The following LOC128462377 variants were observed in gnomAD, a reference collection of about 807,000 sequenced individuals.
the LOC128462377 span, among the ~76,000 whole-genome samples, chr16:89,405,025 C>T: frequency 6.6e-6 from 1 of 152,058 alleles, no homozygotes; most frequent in African/African-American, 2.4e-5. Flanking sequence ...TTCTCCTCTC[C>T]CATCCCACCA....
chr16:89,395,696 C>T, the LOC128462377 span: 1 of 152,288 alleles, frequency 6.6e-6, no homozygotes, highest in South Asian at 2.1e-4. Flanking sequence ...CACAGACTGA[C>T]CTGATTCATT....
the LOC128462377 span, among the ~76,000 whole-genome samples, chr16:89,338,909 A>G: frequency 6.6e-6 from 1 of 152,150 alleles, no homozygotes; most frequent in East Asian, 1.9e-4. Context: ...GTAACAAAAA[A>G]ATCACCCAGA....
the LOC128462377 span, among the ~76,000 whole-genome samples, chr16:89,344,067 G>C: frequency 2.6e-5 from 4 of 152,230 alleles, no homozygotes; most frequent in South Asian, 6.2e-4. Flanking sequence ...TGCTCCCAGC[G>C]GAAGCTTTTG....
the LOC128462377 span, among the ~76,000 whole-genome samples, chr16:89,396,697 T>C: frequency 2.6e-5 from 4 of 152,150 alleles, no homozygotes; most frequent in African/African-American, 9.7e-5. Context: ...GTTGTTGCTG[T>C]TGTTTTTGGG....
the LOC128462377 span, among the ~76,000 whole-genome samples, chr16:89,392,940 T>C: frequency 1.3e-5 from 2 of 151,836 alleles, no homozygotes; most frequent in African/African-American, 2.4e-5. Context: ...AATGAGTGAG[T>C]GATCTACAGT....
the LOC128462377 span, among the ~76,000 whole-genome samples, chr16:89,389,891 G>A: frequency 1.5e-5 from 2 of 133,776 alleles, no homozygotes; most frequent in Non-Finnish European, 1.6e-5. Context: ...ACCGAGTGTG[G>A]CGGGGAGCAC....
the LOC128462377 span, among the ~76,000 whole-genome samples, chr16:89,384,878 T>C: frequency 1.7e-5 from 2 of 118,132 alleles, no homozygotes; most frequent in African/African-American, 3.4e-5. Flanking sequence ...GAAATAGTTT[T>C]CTTTTTTTTT....
the LOC128462377 span, among the ~76,000 whole-genome samples, chr16:89,340,661 T>C: frequency 6.6e-6 from 1 of 152,216 alleles, no homozygotes; most frequent in Admixed American, 6.5e-5. Flanking sequence ...CATGATTACA[T>C]TCTACAAAAA....
chr16:89,356,646 T>C, the LOC128462377 span, among the ~76,000 whole-genome samples: 1 of 143,226 alleles, frequency 7.0e-6, no homozygotes, highest in Non-Finnish European at 1.5e-5. Flanking sequence ...CCAGGCGTGG[T>C]GGTGGGTGCC....
At chr16:89,411,073 T>G in the LOC128462377 span, among the ~76,000 whole-genome samples, 3 of 152,092 alleles carry the variant, frequency 2.0e-5, no homozygotes, top group Non-Finnish European at 2.9e-5. Context: ...GGGCGGCCAG[T>G]GCAGGAGGCA....
At chr16:89,409,645 T>G in the LOC128462377 span, among the ~76,000 whole-genome samples, 1 of 152,152 alleles carries the variant, frequency 6.6e-6, no homozygotes, top group African/African-American at 2.4e-5. Context: ...AAGATCCTGT[T>G]GTACCAAAAC....
chr16:89,347,805 AC>A, the LOC128462377 span, among the ~76,000 whole-genome samples: 2 of 152,176 alleles, frequency 1.3e-5, no homozygotes. Flanking sequence ...ATTAGGAAAA[AC>A]ATATTCAGTT....
chr16:89,385,745 C>A, the LOC128462377 span, among the ~76,000 whole-genome samples: 1 of 152,288 alleles, frequency 6.6e-6, no homozygotes, highest in Non-Finnish European at 1.5e-5. Flanking sequence ...ACTTTCACGT[C>A]TGACGACAGA....
the LOC128462377 span, among the ~76,000 whole-genome samples, chr16:89,365,745 G>T: frequency 6.6e-6 from 1 of 152,102 alleles, no homozygotes; most frequent in Non-Finnish European, 1.5e-5. Context: ...GGTTCGGGTT[G>T]CAGGTTTGTT....
chr16:89,375,094 C>T, the LOC128462377 span, among the ~76,000 whole-genome samples: 3 of 152,002 alleles, frequency 2.0e-5, no homozygotes, highest in Non-Finnish European at 2.9e-5. Context: ...ACAAACGTAA[C>T]GTCGCAGGCT....
chr16:89,356,653 T>C, the LOC128462377 span, among the ~76,000 whole-genome samples: 3 of 145,918 alleles, frequency 2.1e-5, no homozygotes, highest in African/African-American at 7.6e-5. Flanking sequence ...TGGTGGTGGG[T>C]GCCTGTAGTC....
At chr16:89,407,200 AAAAG>A in the LOC128462377 span, among the ~76,000 whole-genome samples, 5 of 152,172 alleles carry the variant, frequency 3.3e-5, no homozygotes, top group Non-Finnish European at 5.9e-5. Context: ...AGATAAAAAA[AAAAG>A]AACACGCAGA....
the LOC128462377 span, among the ~76,000 whole-genome samples, chr16:89,342,551 C>T: frequency 6.6e-6 from 1 of 152,244 alleles, no homozygotes; most frequent in Non-Finnish European, 1.5e-5. Flanking sequence ...TAGCACACCA[C>T]GTGCCTGAGC....
At chr16:89,402,811 A>G in the LOC128462377 span, among the ~76,000 whole-genome samples, 1 of 50,642 alleles carries the variant, frequency 2.0e-5, no homozygotes, top group Admixed American at 2.8e-4. Flanking sequence ...GTTCTGCGGA[A>G]TGAGGTTGGG....
Sources: gnomAD v4.1 joint callset for allele counts (sites outside exome capture counted in the v4.1 genomes callset) on GRCh38, gnomAD v4.1.1 for gene constraint, MANE v1.5 for transcripts.